Variants in PAK1 observed in about 807,000 individuals in gnomAD.
PAK1 encodes serine/threonine-protein kinase PAK 1.
In PAK1, 29 loss-of-function variants were observed where a neutral mutation model predicts 67.4. That is an observed-to-expected ratio of 0.43 (90% CI 0.32 to 0.59). The LOEUF (loss-of-function observed/expected upper bound fraction) is 0.59. Among genes scored for constraint, PAK1 ranks in the 20% least tolerant of loss-of-function variants. PAK1 has a pLI of 0.07. For missense variants in PAK1, 337 were observed against 670.7 expected (o/e 0.50, Z 5.50); for synonymous variants, 223 against 237.4 (o/e 0.94, Z 0.56).
upstream of PAK1, among the ~76,000 whole-genome samples, chr11:77,477,574 A>AAAAAAAAAAAAC (rs1958072862): frequency 1.3e-5 from 2 of 150,242 alleles, no homozygotes; most frequent in Non-Finnish European, 3.0e-5. Context: ...CTACAAAAAA[A>AAAAAAAAAAAAC]AAAAAACCCA....
At chr11:77,365,622 C>T (rs191100713) in intron 5 of PAK1, among the ~76,000 whole-genome samples, 1,986 of 152,194 alleles carry the variant, frequency 0.013, 16 homozygotes, top group Non-Finnish European at 0.018. Flanking sequence ...CACTTGAGGT[C>T]AGGAGTTTGG....
At chr11:77,460,948 C>T (rs1018799608) in intron 1 of PAK1, among the ~76,000 whole-genome samples, 2 of 152,084 alleles carry the variant, frequency 1.3e-5, no homozygotes, top group African/African-American at 4.8e-5. Flanking sequence ...GAAAAGCATG[C>T]AATTATTTCC....
At chr11:77,378,848 A>G (rs1277182027) in intron 4 of PAK1, among the ~76,000 whole-genome samples, 1 of 152,178 alleles carries the variant, frequency 6.6e-6, no homozygotes, top group Non-Finnish European at 1.5e-5. Context: ...TTGGCCTCCC[A>G]AAGTGTTGGG....
chr11:77,524,714 AGAATGAAT>A, the PAK1 span, among the ~76,000 whole-genome samples: 3 of 152,184 alleles, frequency 2.0e-5, no homozygotes, highest in Non-Finnish European at 4.4e-5. Context: ...GCTTGTTGAA[AGAATGAAT>A]GAATGAATGA....
intron 1 of PAK1, among the ~76,000 whole-genome samples, chr11:77,424,871 G>A (rs1160285183): frequency 1.3e-5 from 2 of 152,126 alleles, no homozygotes; most frequent in Non-Finnish European, 2.9e-5. Flanking sequence ...CAGACTATAT[G>A]TCCCCTTGTT....
the PAK1 span, among the ~76,000 whole-genome samples, chr11:77,524,288 C>G: frequency 3.3e-5 from 5 of 152,174 alleles, no homozygotes; most frequent in Non-Finnish European, 2.9e-5. Flanking sequence ...CATCTCCTGC[C>G]CATCCCAACA....
At chr11:77,367,821 C>A (rs1196143375) in intron 5 of PAK1, among the ~76,000 whole-genome samples, 2 of 151,262 alleles carry the variant, frequency 1.3e-5, no homozygotes, top group Non-Finnish European at 1.5e-5. Flanking sequence ...TACTAATATA[C>A]AAAAAAAAAT....
chr11:77,454,064 G>C (rs1048138766), intron 1 of PAK1, among the ~76,000 whole-genome samples: 1 of 152,142 alleles, frequency 6.6e-6, no homozygotes, highest in East Asian at 1.9e-4. Flanking sequence ...ACCTTGTCTT[G>C]AAAAATAAAT....
At chr11:77,523,855 A>G in the PAK1 span, among the ~76,000 whole-genome samples, 1 of 152,232 alleles carries the variant, frequency 6.6e-6, no homozygotes, top group Non-Finnish European at 1.5e-5. Flanking sequence ...GTGAAGCTCC[A>G]GTTTCTCAGT....
chr11:77,449,139 C>T (rs988037869), intron 1 of PAK1, among the ~76,000 whole-genome samples: 4 of 152,226 alleles, frequency 2.6e-5, no homozygotes, highest in African/African-American at 9.6e-5. Context: ...CAGGCTTTCT[C>T]TTCCTCTTTG....
At chr11:77,480,193 A>C in the PAK1 span, among the ~76,000 whole-genome samples, 2 of 152,170 alleles carry the variant, frequency 1.3e-5, no homozygotes, top group African/African-American at 4.8e-5. Flanking sequence ...TTCACTCTGC[A>C]TGGAATTTTC....
chr11:77,377,618 C>T (rs1949270807), intron 4 of PAK1, among the ~76,000 whole-genome samples: 1 of 152,038 alleles, frequency 6.6e-6, no homozygotes. Flanking sequence ...TATCTTTGTT[C>T]ATGAATACTT....
intron 4 of PAK1, among the ~76,000 whole-genome samples, chr11:77,376,690 T>C (rs760908468): frequency 4.8e-5 from 7 of 144,366 alleles, no homozygotes; most frequent in Non-Finnish European, 8.9e-5. Context: ...TGAGCCGAGA[T>C]CGCGCTGCTG....
At chr11:77,390,663 CTT>C (rs56816970) in intron 2 of PAK1, among the ~76,000 whole-genome samples, 16 of 132,730 alleles carry the variant, frequency 1.2e-4, no homozygotes, top group Admixed American at 2.3e-4. Flanking sequence ...TGCCCGACTC[CTT>C]TTTTTTTTTT....
At chr11:77,461,224 T>C (rs939639232) in intron 1 of PAK1, among the ~76,000 whole-genome samples, 4 of 152,276 alleles carry the variant, frequency 2.6e-5, no homozygotes, top group Non-Finnish European at 4.4e-5. Flanking sequence ...TAATTTATAA[T>C]AGGAAAAGAA....
intron 1 of PAK1, among the ~76,000 whole-genome samples, chr11:77,408,885 T>G (rs1954065450): frequency 6.6e-6 from 1 of 151,736 alleles, no homozygotes; most frequent in African/African-American, 2.4e-5. Flanking sequence ...ATGAAAAAAA[T>G]GCTCAACATC....
chr11:77,422,342 C>T (rs1409877270), intron 1 of PAK1, among the ~76,000 whole-genome samples: 1 of 152,088 alleles, frequency 6.6e-6, no homozygotes, highest in Non-Finnish European at 1.5e-5. Flanking sequence ...GGGTGAATCA[C>T]CCGGGGTCAA....
chr11:77,413,670 C>T (rs761112716), intron 1 of PAK1, among the ~76,000 whole-genome samples: 4 of 147,416 alleles, frequency 2.7e-5, no homozygotes, highest in South Asian at 2.1e-4. Context: ...GCAACAAGAG[C>T]GAAACTCCAT....
rs1331024753 is a variant in PAK1, at chr11:77,473,943, C to G, written c.-413G>C. On this transcript the variant is annotated 5_prime_UTR_variant, in exon 1 of 15. Transcript: ENST00000356341. ...GGAAGGCGTCTGTGGGGGAGGACTGCAGAGCCTGTGAGGGAAGCGCGATGG... is the reference window on the plus strand; with the variant it reads ...GGAAGGCGTCTGTGGGGGAGGACTGGAGAGCCTGTGAGGGAAGCGCGATGG... The G allele has an allele frequency of 6.6e-6, 1 of 150,454 alleles. No homozygotes were observed. The highest frequency in any genetic ancestry group is 1.5e-5 in the Non-Finnish European group (1 of 67,998). 9.3% of individuals were successfully genotyped at this position (150,454 alleles called of 1,614,324 possible).
Sources: gnomAD v4.1 joint callset for allele counts (sites outside exome capture counted in the v4.1 genomes callset) on GRCh38, gnomAD v4.1.1 for gene constraint, MANE v1.5 for transcripts, NCBI Gene and HGNC (gene_info 2026-07-23, HGNC 2026-07-21) for gene names.